The following XPO6 variants were observed in gnomAD, a reference collection of about 807,000 sequenced individuals.
The protein encoded by XPO6 is exportin 6.
A neutral mutation model predicts 130.0 loss-of-function variants in XPO6; 3 were observed. The ratio of observed to expected loss-of-function variants is 0.02; its 90% CI spans 0.01 to 0.06. The LOEUF is 0.06. Ranked by LOEUF, XPO6 falls within the 10% of genes least tolerant of loss-of-function variation. The pLI, the probability that XPO6 is intolerant of heterozygous loss-of-function variation, is 1.00. For missense variants in XPO6, 970 were observed against 1,393.0 expected (o/e 0.70, Z 4.83); for synonymous variants, 524 against 548.9 (o/e 0.95, Z 0.63).
chr16:28,126,121 CT>C (rs1249756707), intron 12 of XPO6, among the ~76,000 whole-genome samples: 3 of 152,182 alleles, frequency 2.0e-5, no homozygotes, highest in Admixed American at 6.5e-5. Flanking sequence ...GAGGGAGCCC[CT>C]GATCTGATTC....
At chr16:28,143,693 G>A (rs1455281829) in intron 9 of XPO6, among the ~76,000 whole-genome samples, 2 of 152,108 alleles carry the variant, frequency 1.3e-5, no homozygotes, top group Non-Finnish European at 2.9e-5. Flanking sequence ...CTGGAGTCCA[G>A]TGGTATGATC....
intron 6 of XPO6, among the ~76,000 whole-genome samples, chr16:28,161,496 A>T (rs2141836211): frequency 6.6e-6 from 1 of 152,292 alleles, no homozygotes; most frequent in Non-Finnish European, 1.5e-5. Flanking sequence ...GAGGAGCCAA[A>T]AAAAAGAAAA....
At chr16:28,195,079 C>T (rs935316620) in intron 1 of XPO6, among the ~76,000 whole-genome samples, 2 of 151,718 alleles carry the variant, frequency 1.3e-5, no homozygotes, top group East Asian at 1.9e-4. Context: ...AACATGACAC[C>T]GACCATAATG....
chr16:28,200,603 A>AG, intron 1 of XPO6, among the ~76,000 whole-genome samples: 1 of 152,198 alleles, frequency 6.6e-6, no homozygotes, highest in African/African-American at 2.4e-5. Context: ...CTCATAAAAA[A>AG]GAAACCTAGT....
intron 9 of XPO6, among the ~76,000 whole-genome samples, chr16:28,139,503 A>G (rs2141778053): frequency 6.6e-6 from 1 of 152,352 alleles, no homozygotes; most frequent in East Asian, 1.9e-4. Context: ...GTCTGGGTAA[A>G]TCTAATAGAC....
At chr16:28,175,869 A>T in intron 4 of XPO6, 29 bp downstream of exon 4, 1 of 1,596,706 alleles carries the variant, frequency 6.3e-7, no homozygotes, top group Non-Finnish European at 8.6e-7. Flanking sequence ...ACTATTCACA[A>T]GATAAAGTTT....
chr16:28,103,368 G>A (rs1232675688), intron 21 of XPO6, among the ~76,000 whole-genome samples: 2 of 152,200 alleles, frequency 1.3e-5, no homozygotes, highest in Non-Finnish European at 2.9e-5. Flanking sequence ...AGGCATGCAC[G>A]AGCCTGTTCA....
intron 5 of XPO6, 39 bp downstream of exon 5, chr16:28,169,711 G>A (rs778826946): frequency 3.7e-5 from 60 of 1,606,782 alleles, no homozygotes; most frequent in East Asian, 1.8e-4. Context: ...GGGTGCCTGC[G>A]GGCAGGCCTC....
At chr16:28,099,100 C>T (rs1164869949) in intron 23 of XPO6, among the ~76,000 whole-genome samples, 8 of 152,306 alleles carry the variant, frequency 5.3e-5, no homozygotes, top group Admixed American at 2.6e-4. Context: ...CTTGAGGTGA[C>T]GCGCACACCG....
At chr16:28,142,676 TCCTCCTGCTTCAG>T (rs999573040) in intron 9 of XPO6, among the ~76,000 whole-genome samples, 4 of 152,112 alleles carry the variant, frequency 2.6e-5, no homozygotes, top group African/African-American at 4.8e-5. Context: ...GCTTAAGCAG[TCCTCCTGCTTCAG>T]CCTCCTGAGT....
At chr16:28,138,075 C>T (rs989816356) in intron 9 of XPO6, among the ~76,000 whole-genome samples, 2 of 148,572 alleles carry the variant, frequency 1.3e-5, no homozygotes, top group African/African-American at 5.0e-5. Context: ...CTGAACAGGG[C>T]CCAGGAAAGA....
At chr16:28,183,648 C>T (rs191628180) in intron 1 of XPO6, among the ~76,000 whole-genome samples, 1 of 152,296 alleles carries the variant, frequency 6.6e-6, no homozygotes, top group Admixed American at 6.5e-5. Flanking sequence ...AAAACTGCTA[C>T]ATAAACCATA....
chr16:28,144,440 T>C (rs1596870022), intron 9 of XPO6, among the ~76,000 whole-genome samples: 1 of 152,166 alleles, frequency 6.6e-6, no homozygotes, highest in Non-Finnish European at 1.5e-5. Context: ...CTCACTATGT[T>C]CCCAGCCTGG....
In XPO6 at chr16:28,132,396, A is replaced by G; in HGVS notation, c.1544T>C (p.Val515Ala). Residue 515 changes from valine (V) to alanine (A), a missense_variant, in exon 12 of 24, where the codon GTT becomes GCT. By Grantham distance (64) the Val-to-Ala change is moderately conservative (BLOSUM62 0). This residue lies in a region of XPO6 where 936 missense variants were observed against 1,306.8 expected (regional missense o/e 0.72). Transcript: ENST00000304658. This position sits in a 1 kb window ranked among gnomAD's most constrained non-coding sequence, Gnocchi z 4.0. ...PTHAFSTLFP[V>A]LQDNLEVYLG... ...ATAAACTTCTAAATTGTCCTGAAGA[A>G]CAGGGAACTGAAAACAAAGAAACAA... 1 of 1,602,382 alleles carries G rather than the reference A, an allele frequency of 6.2e-7. No individual in the cohort carries two copies. Among genetic ancestry groups the G allele is most frequent in the Non-Finnish European group, 8.5e-7 (1 of 1,174,002 alleles).
At chr16:28,199,265 C>A (rs1370824964) in intron 1 of XPO6, among the ~76,000 whole-genome samples, 1 of 152,148 alleles carries the variant, frequency 6.6e-6, no homozygotes, top group Non-Finnish European at 1.5e-5. Context: ...ATTAAAAAAT[C>A]CTTGATAGAT....
chr16:28,107,122 A>G (rs1315768287), intron 18 of XPO6, among the ~76,000 whole-genome samples: 1 of 152,200 alleles, frequency 6.6e-6, no homozygotes, highest in Non-Finnish European at 1.5e-5. Context: ...TCTCTTGTAA[A>G]ACTGACAAGA....
In XPO6 at chr16:28,171,155, C is replaced by T. The variant is rs543524382; in HGVS notation, c.406-1246G>A. On this transcript the variant is annotated intron_variant, in intron 4 of 23. Coordinates refer to ENST00000304658, the MANE Select transcript of XPO6 (RefSeq NM_015171.4). Reference sequence around the variant, plus strand: ...CACTCAGGAACTGCACCCATACAGACTTTATATTCTTCACTTCAAGAAATA... The same window carrying T: ...CACTCAGGAACTGCACCCATACAGATTTTATATTCTTCACTTCAAGAAATA... 7.9e-5 allele frequency among the ~76,000 whole-genome samples: 12 copies of T among 151,264 alleles called. No homozygotes were observed. In the South Asian group the frequency reaches 2.3e-3, roughly 29 times the overall value.
At chr16:28,098,979 T>C (rs1247393644) in intron 23 of XPO6, among the ~76,000 whole-genome samples, 1 of 152,140 alleles carries the variant, frequency 6.6e-6, no homozygotes, top group East Asian at 1.9e-4. Flanking sequence ...CGCTGCACCA[T>C]GAAGAAGCTG....
chr16:28,190,424 T>C (rs1244296806), intron 1 of XPO6, among the ~76,000 whole-genome samples: 2 of 152,142 alleles, frequency 1.3e-5, no homozygotes, highest in Non-Finnish European at 2.9e-5. Context: ...GACTTCATCA[T>C]GTTGGCCAGG....
Sources: gnomAD v4.1 joint callset for allele counts (sites outside exome capture counted in the v4.1 genomes callset) on GRCh38, gnomAD v4.1.1 for gene constraint, gnomAD v4.1.1 regional missense constraint, Gnocchi (gnomAD v3.1) non-coding constraint, MANE v1.5 for transcripts, NCBI Gene and HGNC (gene_info 2026-07-23, HGNC 2026-07-21) for gene names.